Variants in APIP observed in about 807,000 individuals in gnomAD.
APIP encodes the protein APAF1 interacting protein.
A neutral mutation model predicts 32.0 loss-of-function variants in APIP; 32 were observed. That is an observed-to-expected ratio of 1.00 (90% CI 0.76 to 1.34). APIP has a LOEUF of 1.34. Among genes scored for constraint, APIP ranks in the 40% most tolerant of loss-of-function variants. APIP has a pLI of 0.00. For missense variants in APIP, 247 were observed against 298.6 expected (o/e 0.83, Z 1.27); for synonymous variants, 92 against 94.8 (o/e 0.97, Z 0.17).
chr11:34,916,093 T>A, intron 1 of APIP, 135 bp downstream of exon 1: 1 of 1,168,348 alleles, frequency 8.6e-7, no homozygotes, highest in Non-Finnish European at 1.2e-6. Flanking sequence ...TGCGCCGGGG[T>A]AGCGAACGGC....
At chr11:34,898,070 C>A (rs1016049593) in intron 1 of APIP, among the ~76,000 whole-genome samples, 4 of 151,960 alleles carry the variant, frequency 2.6e-5, no homozygotes, top group African/African-American at 9.7e-5. Context: ...TAAATTGGTG[C>A]GAGACAAAGG....
chr11:34,896,644 C>T (rs2133912516), intron 1 of APIP: 1 of 531,880 alleles, frequency 1.9e-6, no homozygotes, highest in South Asian at 1.8e-5. Context: ...AGGGGTGCAG[C>T]AAACCACCAT....
chr11:34,885,276 T>C (rs1385094935), intron 5 of APIP, among the ~76,000 whole-genome samples: 1 of 148,886 alleles, frequency 6.7e-6, no homozygotes, highest in Non-Finnish European at 1.5e-5. Context: ...TATATATACA[T>C]ATAACTATAC....
chr11:34,894,830 G>A (rs1404056802), intron 2 of APIP, among the ~76,000 whole-genome samples, 180 bp downstream of exon 2: 1 of 152,188 alleles, frequency 6.6e-6, no homozygotes, highest in Non-Finnish European at 1.5e-5. Context: ...TGACATATCT[G>A]CAGCTTTTGT....
intron 1 of APIP, among the ~76,000 whole-genome samples, chr11:34,895,381 C>T (rs1209282762): frequency 6.6e-6 from 1 of 152,052 alleles, no homozygotes; most frequent in African/African-American, 2.4e-5. Flanking sequence ...TGGGGAAATG[C>T]CTAGTATACA....
chr11:34,896,778 G>A lies in APIP; in HGVS notation c.58-1668C>T, dbSNP rs779386529. The stretch of plus-strand genomic sequence containing the variant: ...GAGACTACCTGGGAGAGAAGTGAGC[G>A]CCAAAGCCAGAATGTTCCTGAAGGT... On this transcript the variant is annotated intron_variant, in intron 1 of 6. Transcript: ENST00000395787. 1.2e-4 allele frequency: 156 copies of A among 1,285,376 alleles called. 4 individuals are homozygous for A. The South Asian group carries it at 1.6e-3, about 13-fold the overall frequency. 79.6% of individuals were successfully genotyped at this position (1,285,376 alleles called of 1,614,324 possible).
At chr11:34,901,775 T>G (rs1853374456) in intron 1 of APIP, among the ~76,000 whole-genome samples, 1 of 152,152 alleles carries the variant, frequency 6.6e-6, no homozygotes, top group Non-Finnish European at 1.5e-5. Context: ...AAGCTAACAT[T>G]AAACTACAAG....
chr11:34,907,933 C>T (rs1206914769), intron 1 of APIP, among the ~76,000 whole-genome samples: 3 of 152,064 alleles, frequency 2.0e-5, no homozygotes, highest in African/African-American at 7.2e-5. Flanking sequence ...CTACTCACAG[C>T]CAACAATGGC....
At chr11:34,886,547 A>G (rs757709293) in intron 5 of APIP, among the ~76,000 whole-genome samples, 4 of 152,204 alleles carry the variant, frequency 2.6e-5, no homozygotes, top group Non-Finnish European at 4.4e-5. Flanking sequence ...CAATGCTTAT[A>G]AAGTCTATAG....
intron 5 of APIP, among the ~76,000 whole-genome samples, chr11:34,884,803 G>A (rs1274436409): frequency 1.3e-5 from 2 of 151,862 alleles, no homozygotes; most frequent in Admixed American, 1.3e-4. Flanking sequence ...TTGGCCGAGA[G>A]AACCATAAAC....
intron 1 of APIP, among the ~76,000 whole-genome samples, chr11:34,902,242 G>A (rs1853381115): frequency 6.6e-6 from 1 of 152,214 alleles, no homozygotes; most frequent in South Asian, 2.1e-4. Context: ...CATGGACGGT[G>A]CTGCCTCAGG....
At chr11:34,893,182 T>C (rs1853208075) in intron 2 of APIP, among the ~76,000 whole-genome samples, 1 of 152,194 alleles carries the variant, frequency 6.6e-6, no homozygotes, top group Admixed American at 6.5e-5. Context: ...TGGTAGTGCA[T>C]GGATTAGTAA....
At chr11:34,905,351 C>T (rs991332759) in intron 1 of APIP, among the ~76,000 whole-genome samples, 8 of 152,150 alleles carry the variant, frequency 5.3e-5, no homozygotes, top group Admixed American at 3.3e-4. Flanking sequence ...AGTTCAGTGA[C>T]GCTAAGGAAA....
chr11:34,907,783 C>T (rs1420510247), intron 1 of APIP, among the ~76,000 whole-genome samples: 3 of 152,114 alleles, frequency 2.0e-5, no homozygotes, highest in Non-Finnish European at 4.4e-5. Context: ...AGAGGTTCTA[C>T]AGTGAGGAGG....
chr11:34,915,028 G>T (rs1395479606), intron 1 of APIP, among the ~76,000 whole-genome samples: 3 of 135,826 alleles, frequency 2.2e-5, no homozygotes, highest in Non-Finnish European at 3.2e-5. Context: ...AAAAAAAAAG[G>T]TTGGCTCAAA....
chr11:34,890,934 T>C (rs1377217038), intron 2 of APIP, among the ~76,000 whole-genome samples: 1 of 152,098 alleles, frequency 6.6e-6, no homozygotes, highest in Non-Finnish European at 1.5e-5. Context: ...TAAAATCCAA[T>C]CTGGAAAATA....
At chr11:34,897,531 G>T (rs1300157386) in intron 1 of APIP, among the ~76,000 whole-genome samples, 1 of 150,838 alleles carries the variant, frequency 6.6e-6, no homozygotes, top group Non-Finnish European at 1.5e-5. Context: ...GGTTGGTAAG[G>T]TTTTGTTTTC....
Position 34,882,543 on chromosome 11 carries a change from G to C in APIP, c.*174C>G. Reference sequence around the variant, plus strand: ...ACTGTGCCCTCATTTAAAATTATAAGAATATAAGCAAATAACATCCAATGT... The same window carrying C: ...ACTGTGCCCTCATTTAAAATTATAACAATATAAGCAAATAACATCCAATGT... On this transcript the variant is annotated 3_prime_UTR_variant, in exon 7 of 7. Transcript: ENST00000395787. The C allele has an allele frequency of 2.3e-6, 1 of 437,330 alleles. No homozygotes were observed. Among genetic ancestry groups the C allele is most frequent in the South Asian group, 4.8e-5 (1 of 20,822 alleles). 27.1% of individuals were successfully genotyped at this position (437,330 alleles called of 1,614,324 possible).
At chr11:34,886,328 T>TA (rs1346070701) in intron 5 of APIP, among the ~76,000 whole-genome samples, 5 of 151,264 alleles carry the variant, frequency 3.3e-5, no homozygotes, top group African/African-American at 9.7e-5. Context: ...TTTAAAAAGT[T>TA]AAAAAAAATT....
Sources: allele counts gnomAD v4.1 joint callset (sites outside exome capture counted in the v4.1 genomes callset), GRCh38; gene constraint gnomAD v4.1.1; transcripts MANE v1.5; gene names NCBI Gene and HGNC (gene_info 2026-07-23, HGNC 2026-07-21).